TBCEL: variants seen among roughly 807,000 people sequenced by gnomAD.
TBCEL encodes tubulin-specific chaperone cofactor E-like protein.
TBCEL carries 15 observed loss-of-function variants against 44.2 expected under a neutral mutation model. The observed-to-expected ratio is 0.34, with a 90% CI of 0.23 to 0.52. The LOEUF is 0.52. TBCEL is among the 20% of genes least tolerant of loss of function. The pLI is 0.95. For missense variants in TBCEL, 319 were observed against 506.3 expected (o/e 0.63, Z 3.55); for synonymous variants, 171 against 185.4 (o/e 0.92, Z 0.63).
intron 2 of TBCEL, among the ~76,000 whole-genome samples, chr11:121,041,911 C>CA (rs201192130): frequency 0.048 from 4,084 of 84,904 alleles, 189 homozygotes; most frequent in African/African-American, 0.13. Context: ...GCTTTTCAGT[C>CA]AAAAAAAAAA....
chr11:121,061,210 AT>A (rs879777531), intron 8 of TBCEL, among the ~76,000 whole-genome samples: 3 of 151,786 alleles, frequency 2.0e-5, no homozygotes, highest in Non-Finnish European at 4.4e-5. Context: ...ACCAGATGAA[AT>A]TTTTTTTAGG....
chr11:121,086,190 A>G (rs889575835), intron 8 of TBCEL, among the ~76,000 whole-genome samples: 20 of 152,270 alleles, frequency 1.3e-4, no homozygotes, highest in Non-Finnish European at 1.3e-4. Flanking sequence ...AGAAACATGT[A>G]TCCCTTACTT....
chr11:121,077,607 A>AT (rs1946055555), intron 8 of TBCEL, among the ~76,000 whole-genome samples: 1 of 151,914 alleles, frequency 6.6e-6, no homozygotes, highest in South Asian at 2.1e-4. Context: ...TTTATTTGCT[A>AT]TATTTCATTG....
chr11:121,086,901 T>C lies in TBCEL; in HGVS notation c.1080T>C (p.Arg360=). The C allele has an allele frequency of 1.2e-6, 2 of 1,613,946 alleles. No individual in the cohort carries two copies. Among genetic ancestry groups the C allele is most frequent in the East Asian group, 4.5e-5 (2 of 44,830 alleles). Residue 360 remains arginine, a synonymous_variant, in exon 9 of 9, where the codon CGT becomes CGC. Transcript: ENST00000683345. ...FNDQVEEMSI[R]LDQTVAELKK... ...ATCAGGTGGAAGAAATGAGCATTCG[T>C]CTGGACCAAACAGTGGCAGAACTAA...
chr11:121,049,462 A>G (rs1454753921), intron 4 of TBCEL, among the ~76,000 whole-genome samples: 1 of 151,826 alleles, frequency 6.6e-6, no homozygotes, highest in Admixed American at 6.6e-5. Flanking sequence ...TTAGGATTTT[A>G]ACCAAAATTC....
intron 8 of TBCEL, among the ~76,000 whole-genome samples, chr11:121,081,865 T>C (rs1487331056): frequency 2.0e-5 from 3 of 152,210 alleles, no homozygotes; most frequent in Non-Finnish European, 4.4e-5. Flanking sequence ...ATCACAACTC[T>C]AGTACTCTTT....
chr11:121,046,626 T>C (rs1048684534), intron 3 of TBCEL, among the ~76,000 whole-genome samples: 2 of 152,062 alleles, frequency 1.3e-5, no homozygotes, highest in Non-Finnish European at 2.9e-5. Context: ...GTGATAAATA[T>C]GTTGCTGAAA....
intron 8 of TBCEL, among the ~76,000 whole-genome samples, chr11:121,083,584 A>C (rs1004446922): frequency 6.6e-6 from 1 of 152,222 alleles, no homozygotes; most frequent in African/African-American, 2.4e-5. Flanking sequence ...GTAGGTCATA[A>C]TTTTGTGTAC....
At chr11:121,064,251 T>TG (rs1312578125) in intron 8 of TBCEL, among the ~76,000 whole-genome samples, 4 of 152,256 alleles carry the variant, frequency 2.6e-5, no homozygotes, top group African/African-American at 7.2e-5. Flanking sequence ...TTTGCAGACC[T>TG]GTCTACTCTT....
intron 8 of TBCEL, among the ~76,000 whole-genome samples, chr11:121,082,464 A>G (rs1047331921): frequency 4.6e-5 from 7 of 152,174 alleles, no homozygotes; most frequent in African/African-American, 1.7e-4. Flanking sequence ...GAAGGCTCAT[A>G]TGATTAGATT....
rs867865763 is a variant in TBCEL at position 121,089,659 on chromosome 11, G to C, written c.*2563G>C. ...TAACAGAACTAAAAGAAGGAGAGAA[G>C]AGGCCATGGACCTTTGAGTTTACAT... On this transcript the variant is annotated 3_prime_UTR_variant, in exon 9 of 9. Transcript: ENST00000683345. 4 of 152,150 alleles carry C rather than the reference G, an allele frequency of 2.6e-5. No homozygotes were observed. The highest frequency in any genetic ancestry group is 4.4e-5 in the Non-Finnish European group (3 of 68,008). 9.4% of individuals were successfully genotyped at this position (152,150 alleles called of 1,614,324 possible). A position where few individuals can be genotyped will look rare whatever the true frequency, so the allele number is the denominator to read the frequency against.
rs552882730 is a variant in TBCEL at position 121,043,876 on chromosome 11, A to G, written c.-17-1798A>G. 5.9e-5 allele frequency among the ~76,000 whole-genome samples: 9 copies of G among 152,094 alleles called. No individual in the cohort carries two copies. In the East Asian group the frequency reaches 1.7e-3, roughly 29 times the overall value. The stretch of plus-strand genomic sequence containing the variant: ...TAATGGTGTCCAAATCTTCATCTTT[A>G]GCTCATTTTTCTCATTCAACTCCAG... On this transcript the variant is annotated intron_variant, in intron 2 of 8. Coordinates refer to ENST00000683345, the MANE Select transcript of TBCEL (RefSeq NM_001363644.2).
chr11:121,036,853 A>G (rs1371777506), intron 2 of TBCEL, among the ~76,000 whole-genome samples: 1 of 152,234 alleles, frequency 6.6e-6, no homozygotes, highest in Non-Finnish European at 1.5e-5. Flanking sequence ...TTTAGTAGAA[A>G]ATATAGACAG....
chr11:121,045,058 G>T (rs1945404867), intron 2 of TBCEL, among the ~76,000 whole-genome samples: 1 of 152,036 alleles, frequency 6.6e-6, no homozygotes, highest in African/African-American at 2.4e-5. Flanking sequence ...TTGTCTGGTG[G>T]CATCAGTTTT....
intron 8 of TBCEL, among the ~76,000 whole-genome samples, chr11:121,083,152 C>G (rs1464072108): frequency 6.6e-6 from 1 of 152,176 alleles, no homozygotes; most frequent in Non-Finnish European, 1.5e-5. Context: ...ATTGAGAAAG[C>G]TCATCTAGTT....
chr11:121,050,023 G>A (rs1046468758), intron 4 of TBCEL, among the ~76,000 whole-genome samples: 2 of 151,516 alleles, frequency 1.3e-5, no homozygotes, highest in African/African-American at 2.4e-5. Context: ...CTACTTTCAG[G>A]TATCCATTTT....
At chr11:121,065,886 T>G (rs1376429623) in intron 8 of TBCEL, among the ~76,000 whole-genome samples, 1 of 152,252 alleles carries the variant, frequency 6.6e-6, no homozygotes, top group African/African-American at 2.4e-5. Context: ...AACACTAATA[T>G]GATATTTACT....
chr11:121,066,944 AT>A (rs1456034309), intron 8 of TBCEL, among the ~76,000 whole-genome samples: 1 of 152,126 alleles, frequency 6.6e-6, no homozygotes. Context: ...ATTTAATGAA[AT>A]TTTTTTAAAA....
chr11:121,035,939 AT>A (rs1945223797), intron 1 of TBCEL: 5 of 152,100 alleles, frequency 3.3e-5, no homozygotes, highest in African/African-American at 9.7e-5. Flanking sequence ...GATTTCATAC[AT>A]TTTTGTAAGT....
Sources: allele counts gnomAD v4.1 joint callset (sites outside exome capture counted in the v4.1 genomes callset), GRCh38; gene constraint gnomAD v4.1.1; transcripts MANE v1.5; gene names NCBI Gene and HGNC (gene_info 2026-07-23, HGNC 2026-07-21).